The following MPHOSPH9 variants were observed in gnomAD, a reference collection of about 807,000 sequenced individuals.
MPHOSPH9 encodes the protein M-phase phosphoprotein 9.
MPHOSPH9 carries 88 observed loss-of-function variants against 145.5 expected under a neutral mutation model. The observed-to-expected ratio is 0.60, with a 90% CI of 0.51 to 0.72. The LOEUF is 0.72. Ranked by LOEUF, MPHOSPH9 falls within the 30% of genes least tolerant of loss-of-function variation. The probability of loss-of-function intolerance (pLI) is 0.00; values close to 1 mark genes in which losing one functional copy is unlikely to be tolerated. For missense variants in MPHOSPH9, 1,238 were observed against 1,386.6 expected, an observed-to-expected ratio of 0.89 and a Z score of 1.70; for synonymous variants, 435 against 486.2, an observed-to-expected ratio of 0.89 and a Z score of 1.39.
At chr12:123,152,442 G>A, downstream of MPHOSPH9, 1 of 384,564 alleles carries the variant, frequency 2.6e-6, no homozygotes, top group South Asian at 1.9e-5. Context: ...AACAACTGCA[G>A]CAAGCACTTG....
At chr12:123,181,055 C>T (rs148180689) in intron 14 of MPHOSPH9, 108 bp downstream of exon 14, 13 of 985,336 alleles carry the variant, frequency 1.3e-5, no homozygotes, top group South Asian at 9.5e-5. Flanking sequence ...TCAACAGCTA[C>T]GGAGGTTCAG....
chr12:123,226,364 A>T (rs778615967), intron 3 of MPHOSPH9: 41 of 1,155,884 alleles, frequency 3.5e-5, no homozygotes, highest in Non-Finnish European at 4.5e-5. Flanking sequence ...GAAAAATAAC[A>T]CAAATTATGC....
intron 13 of MPHOSPH9, among the ~76,000 whole-genome samples, chr12:123,189,516 G>A (rs2045584422): frequency 6.6e-6 from 1 of 152,140 alleles, no homozygotes; most frequent in Admixed American, 6.6e-5. Context: ...AAGGAAAGTG[G>A]ATAAATATAC....
intron 19 of MPHOSPH9, 105 bp downstream of exon 19, chr12:123,163,845 C>CT (rs1024815839): frequency 1.4e-6 from 2 of 1,390,332 alleles, no homozygotes; most frequent in Admixed American, 3.7e-5. Flanking sequence ...CTACTAGGTG[C>CT]TGAGGATACA....
At chr12:123,206,790 T>C (rs1271899509) in intron 8 of MPHOSPH9, among the ~76,000 whole-genome samples, 1 of 151,968 alleles carries the variant, frequency 6.6e-6, no homozygotes, top group East Asian at 1.9e-4. Context: ...AGTGCATGCC[T>C]GTAGTCCTAG....
rs980916320 is a variant in MPHOSPH9, at chr12:123,221,575, A to G, written c.669T>C (p.Asp223=). 1 of 1,614,206 alleles carries G rather than the reference A, an allele frequency of 6.2e-7. No homozygotes were observed. Among genetic ancestry groups the G allele is most frequent in the Admixed American group, 1.7e-5 (1 of 60,008 alleles). ...GTGCTACATACTGTCCTTTGGGAAC[A>G]TCTATGTGCTCCATGAACTCCTTAG... The part of the protein sequence containing the change: ...KDPKEFMEHI[D]VPKGQYVAPA... The change falls in exon 5 of 24, where the codon GAT becomes GAC. Residue 223 remains aspartate, a synonymous_variant. Coordinates refer to ENST00000606320, the MANE Select transcript of MPHOSPH9 (RefSeq NM_022782.4).
At chr12:123,238,450 C>G (rs2047884392) in intron 1 of MPHOSPH9, among the ~76,000 whole-genome samples, 1 of 152,036 alleles carries the variant, frequency 6.6e-6, no homozygotes, top group Non-Finnish European at 1.5e-5. Context: ...CTCCTGAATT[C>G]TTGTCTCAGT....
intron 1 of MPHOSPH9, 151 bp downstream of exon 1, chr12:123,232,924 G>C (rs576042238): frequency 1.3e-5 from 2 of 152,314 alleles, no homozygotes; most frequent in Non-Finnish European, 2.9e-5. Context: ...CCCACACGCC[G>C]AAGGGCTCCG....
intron 7 of MPHOSPH9, among the ~76,000 whole-genome samples, chr12:123,213,882 A>C (rs533560962): frequency 6.6e-6 from 1 of 152,248 alleles, no homozygotes; most frequent in South Asian, 2.1e-4. Flanking sequence ...TGAAGTGTGC[A>C]AGAGTGGAAG....
In MPHOSPH9 at chr12:123,159,489, G is replaced by T. The variant is rs576514959; in HGVS notation, c.3450+1292C>A. Among the ~76,000 whole-genome samples, 327 of 151,386 alleles carry T rather than the reference G, an allele frequency of 2.2e-3. 1 individual carries two copies. The highest frequency in any genetic ancestry group is 3.4e-3 in the Non-Finnish European group (229 of 67,832). ...TGGCAGGTTTTTTTTTGTTTTTTTT[G>T]TTGTTGTTGTTTTCCCAAACATACA... On this transcript the variant is annotated intron_variant, in intron 23 of 23. Coordinates refer to ENST00000606320, the MANE Select transcript of MPHOSPH9 (RefSeq NM_022782.4). This position sits in a 1 kb window ranked among gnomAD's most constrained non-coding sequence, Gnocchi z 4.3.
At position 123,212,766 on chromosome 12, in the gene MPHOSPH9, C is replaced by CT. The variant is rs769159602; in HGVS notation, c.1087+1977dup. On this transcript the variant is annotated intron_variant, in intron 7 of 23. Transcript: ENST00000606320. ...ACAATCCCCAGCCTACAATGGTCGACTTTTTTTTTTTTTTTTTTTTACTTT... is the reference window on the plus strand; with the variant it reads ...ACAATCCCCAGCCTACAATGGTCGACTTTTTTTTTTTTTTTTTTTTTACTTT... 1.7e-3 allele frequency among the ~76,000 whole-genome samples: 156 copies of CT among 93,910 alleles called. 3 individuals carry two copies. The highest frequency in any genetic ancestry group is 5.8e-3 in the South Asian group (13 of 2,234). 61.6% of individuals were successfully genotyped at this position (93,910 alleles called of 152,430 possible).
chr12:123,152,715 T>C (rs2043799212), downstream of MPHOSPH9: 1 of 387,828 alleles, frequency 2.6e-6, no homozygotes, highest in Non-Finnish European at 5.2e-6. Flanking sequence ...CAAACTACCA[T>C]AGAGCTCTTG....
At chr12:123,153,784 A>G (rs985226986), downstream of MPHOSPH9, among the ~76,000 whole-genome samples, 2 of 130,420 alleles carry the variant, frequency 1.5e-5, no homozygotes, top group Non-Finnish European at 3.4e-5. Flanking sequence ...AAAAAAAAAA[A>G]AAAAGGATGC....
intron 3 of MPHOSPH9, among the ~76,000 whole-genome samples, chr12:123,225,084 T>C (rs2047382130): frequency 6.6e-6 from 1 of 152,228 alleles, no homozygotes; most frequent in South Asian, 2.1e-4. Context: ...AAAGGTAGGT[T>C]ATATTACCTA....
intron 8 of MPHOSPH9, among the ~76,000 whole-genome samples, chr12:123,209,637 T>C (rs2138441400): frequency 6.6e-6 from 1 of 152,082 alleles, no homozygotes; most frequent in South Asian, 2.1e-4. Flanking sequence ...CTCGAACTCC[T>C]TACCTCAGAT....
chr12:123,237,282 T>C (rs1256162809), upstream of MPHOSPH9, among the ~76,000 whole-genome samples: 1 of 151,908 alleles, frequency 6.6e-6, no homozygotes, highest in East Asian at 1.9e-4. Flanking sequence ...AATACAAAAT[T>C]AGCCGGGCAT....
chr12:123,185,949 G>A (rs1485066070), intron 13 of MPHOSPH9, among the ~76,000 whole-genome samples: 1 of 151,858 alleles, frequency 6.6e-6, no homozygotes, highest in East Asian at 1.9e-4. Flanking sequence ...GGAGAGGCCG[G>A]GCATGGTGGC....
At chr12:123,188,338 T>A (rs1455523483) in intron 13 of MPHOSPH9, among the ~76,000 whole-genome samples, 1 of 152,086 alleles carries the variant, frequency 6.6e-6, no homozygotes, top group Non-Finnish European at 1.5e-5. Flanking sequence ...AGAGAGCAAT[T>A]TAGCAATATC....
At chr12:123,224,132 T>TCA (rs2047338687) in intron 3 of MPHOSPH9, among the ~76,000 whole-genome samples, 1 of 27,758 alleles carries the variant, frequency 3.6e-5, no homozygotes, top group Non-Finnish European at 2.6e-4. Flanking sequence ...ATATACACAT[T>TCA]TTTTTTTTTT....
Sources: allele counts gnomAD v4.1 joint callset (sites outside exome capture counted in the v4.1 genomes callset), GRCh38; gene constraint gnomAD v4.1.1; non-coding constraint Gnocchi (gnomAD v3.1); transcripts MANE v1.5; gene names NCBI Gene and HGNC (gene_info 2026-07-23, HGNC 2026-07-21).